The following SLC35E2B variants were observed in gnomAD, a reference collection of about 807,000 sequenced individuals.
SLC35E2B encodes solute carrier family 35, member E2B.
SLC35E2B carries 18 observed loss-of-function variants against 32.4 expected under a neutral mutation model. The ratio of observed to expected loss-of-function variants is 0.56; its 90% CI spans 0.38 to 0.82. SLC35E2B has a LOEUF of 0.82. Ranked by LOEUF, SLC35E2B falls within the 40% of genes least tolerant of loss-of-function variation. The pLI, the probability that SLC35E2B is intolerant of heterozygous loss-of-function variation, is 0.00. For synonymous variants in SLC35E2B, 132 were observed against 209.1 expected (o/e 0.63, Z 3.18); for missense variants, 263 against 469.5 (o/e 0.56, Z 4.06).
In SLC35E2B at chr1:1,665,089, G is replaced by A. The variant is rs1369868702; in HGVS notation, c.*693C>T. The stretch of plus-strand genomic sequence containing the variant: ...AGCCCAGGGTGTGGAAGGGATAGGA[G>A]GGCAGGGTGTGGAAGAGGTAGGGGG... On this transcript the variant is annotated 3_prime_UTR_variant, in exon 10 of 10. Coordinates refer to ENST00000617444, the MANE Select transcript of SLC35E2B (RefSeq NM_001290264.2). The A allele has an allele frequency of 5.0e-6, 2 of 402,816 alleles. No homozygotes were observed. The highest frequency in any genetic ancestry group is 6.7e-6 in the Non-Finnish European group (2 of 297,514). 25.0% of individuals were successfully genotyped at this position (402,816 alleles called of 1,614,324 possible).
chr1:1,684,508 G>C (rs1643927784), intron 2 of SLC35E2B, among the ~76,000 whole-genome samples: 1 of 152,062 alleles, frequency 6.6e-6, no homozygotes, highest in South Asian at 2.1e-4. Context: ...GTCATCCCAG[G>C]AGGCTGGGCA....
Position 1,663,423 on chromosome 1 carries a change from A to C in SLC35E2B, c.*2359T>G. ...CAAGGCCACCCTGGGAGTTGCTTTC[A>C]ATCTGTCCTCACAAATCAACAACTC... On this transcript the variant is annotated 3_prime_UTR_variant, in exon 10 of 10. Transcript: ENST00000617444. The C allele has an allele frequency of 1.1e-6, 1 of 951,764 alleles. No individual in the cohort carries two copies. The highest frequency in any genetic ancestry group is 1.3e-6 in the Non-Finnish European group (1 of 799,552). The allele number at this position is 951,764 out of a possible 1,614,324, so 59.0% of individuals were successfully genotyped here.
At chr1:1,671,853 A>G (rs1276394925) in intron 5 of SLC35E2B, 1 of 413,090 alleles carries the variant, frequency 2.4e-6, no homozygotes, top group African/African-American at 2.1e-5. Context: ...ACTCTACATG[A>G]GATGCGTCCC....
chr1:1,662,867 A>T lies in SLC35E2B; in HGVS notation c.*2915T>A. ...AAGTAACCACACCTGGTGTGTTCCT[A>T]GAAGCTCACCTGTGACAGTTCAACA... On this transcript the variant is annotated 3_prime_UTR_variant, in exon 10 of 10. Coordinates refer to ENST00000617444, the MANE Select transcript of SLC35E2B (RefSeq NM_001290264.2). The T allele has an allele frequency of 1.2e-6, 1 of 815,566 alleles. No homozygotes were observed. The highest frequency in any genetic ancestry group is 1.5e-6 in the Non-Finnish European group (1 of 672,288). 50.5% of individuals were successfully genotyped at this position (815,566 alleles called of 1,614,324 possible).
In SLC35E2B at chr1:1,662,884, A is replaced by T; in HGVS notation, c.*2898T>A. 3 of 799,626 alleles carry T rather than the reference A, an allele frequency of 3.8e-6. 1 individual carries two copies. The highest frequency in any genetic ancestry group is 4.6e-6 in the Non-Finnish European group (3 of 657,210). 49.5% of individuals were successfully genotyped at this position (799,626 alleles called of 1,614,324 possible). A position where few individuals can be genotyped will look rare whatever the true frequency, so the allele number is the denominator to read the frequency against. ...GTGTTCCTAGAAGCTCACCTGTGAC[A>T]GTTCAACAAGAACTTACTATTCCAG... On this transcript the variant is annotated 3_prime_UTR_variant, in exon 10 of 10. Coordinates refer to ENST00000617444, the MANE Select transcript of SLC35E2B (RefSeq NM_001290264.2).
At position 1,665,043 on chromosome 1, in the gene SLC35E2B, G is replaced by C; in HGVS notation, c.*739C>G. The C allele has an allele frequency of 1.1e-6, 1 of 877,450 alleles. No homozygotes were observed. Among genetic ancestry groups the C allele is most frequent in the Non-Finnish European group, 1.4e-6 (1 of 731,438 alleles). The allele number at this position is 877,450 out of a possible 1,614,324, so 54.4% of individuals were successfully genotyped here. Reference sequence around the variant, plus strand: ...CACAGGTAGGAGGGCAGGGTGCCCTGGGGTTGCGGGGAGCTCACGCAGCCC... The same window carrying C: ...CACAGGTAGGAGGGCAGGGTGCCCTCGGGTTGCGGGGAGCTCACGCAGCCC... On this transcript the variant is annotated 3_prime_UTR_variant, in exon 10 of 10. Transcript: ENST00000617444.
Position 1,679,861 on chromosome 1 carries a change from G to A in SLC35E2B, c.-147-3015C>T, listed in dbSNP as rs543721917. On this transcript the variant is annotated intron_variant, in intron 2 of 9. Coordinates refer to ENST00000617444, the MANE Select transcript of SLC35E2B (RefSeq NM_001290264.2). ...AAAAAAAAAAAAAAATGCTGGGCGCGATGGCTCACACCTGTAATCCCAGCA... is the reference window on the plus strand; with the variant it reads ...AAAAAAAAAAAAAAATGCTGGGCGCAATGGCTCACACCTGTAATCCCAGCA... Among the ~76,000 whole-genome samples the A allele has an allele frequency of 3.9e-4, 56 of 144,226 alleles. 1 individual carries two copies. Among genetic ancestry groups the A allele is most frequent in the Admixed American group, 1.7e-3 (24 of 14,424 alleles). The allele number at this position is 144,226 out of a possible 152,430, so 94.6% of individuals were successfully genotyped here.
intron 2 of SLC35E2B, among the ~76,000 whole-genome samples, chr1:1,680,912 C>G (rs962150037): frequency 2.0e-5 from 3 of 151,868 alleles, no homozygotes; most frequent in Admixed American, 6.6e-5. Flanking sequence ...AAGGGATTCT[C>G]CTGCCTCAGC....
chr1:1,673,401 A>T, intron 5 of SLC35E2B: 1 of 391,962 alleles, frequency 2.6e-6, no homozygotes, highest in South Asian at 1.9e-5. Context: ...CAGGTGCAGC[A>T]GCTCACGCCT....
In SLC35E2B at chr1:1,670,615, G is replaced by T. The variant is rs186940614; in HGVS notation, c.708-464C>A. The T allele has an allele frequency of 2.5e-3, 385 of 154,242 alleles. 1 individual carries two copies. In the South Asian group the frequency reaches 0.028, roughly 11 times the overall value. The allele number at this position is 154,242 out of a possible 1,614,324, so 9.6% of individuals were successfully genotyped here. On this transcript the variant is annotated intron_variant, in intron 6 of 9. Transcript: ENST00000617444. ...CTTTTGTATTTTTAGTAGAGACGGGGTTTCACCATGTTAGCCAGGATGGTC... is the reference window on the plus strand; with the variant it reads ...CTTTTGTATTTTTAGTAGAGACGGGTTTTCACCATGTTAGCCAGGATGGTC...
At position 1,662,407 on chromosome 1, in the gene SLC35E2B, C is replaced by G. The variant is rs893088215; in HGVS notation, c.*3375G>C. 108 of 883,590 alleles carry G rather than the reference C, an allele frequency of 1.2e-4. 22 individuals carry two copies. The highest frequency in any genetic ancestry group is 1.4e-4 in the Non-Finnish European group (102 of 747,374). 54.7% of individuals were successfully genotyped at this position (883,590 alleles called of 1,614,324 possible). On this transcript the variant is annotated 3_prime_UTR_variant, in exon 10 of 10. Transcript: ENST00000617444. ...CTGTCTTGTTGGCCTGTTATTCCCA[C>G]TGACCCGTCTGAGTGATCACCCAGG...
chr1:1,667,214 G>A (rs544490508), intron 9 of SLC35E2B, among the ~76,000 whole-genome samples: 152 of 148,766 alleles, frequency 1.0e-3, no homozygotes, highest in African/African-American at 3.6e-3. Context: ...AGACCATCCT[G>A]GCTAACACGG....
At chr1:1,689,543 T>C (rs553390546) in intron 2 of SLC35E2B, among the ~76,000 whole-genome samples, 3 of 151,728 alleles carry the variant, frequency 2.0e-5, no homozygotes, top group African/African-American at 7.2e-5. Flanking sequence ...TGTAAAACTT[T>C]ATGCTCAGGA....
In SLC35E2B at chr1:1,664,028, A is replaced by G. The variant is rs531790076; in HGVS notation, c.*1754T>C. 286 of 233,414 alleles carry G rather than the reference A, an allele frequency of 1.2e-3. 2 individuals carry two copies. Among genetic ancestry groups the G allele is most frequent in the African/African-American group, 6.3e-3 (271 of 43,154 alleles). 14.5% of individuals were successfully genotyped at this position (233,414 alleles called of 1,614,324 possible). ...CAACAAAGCGAGAGCCCAGCTCAACAAAAAAATAGCCAGGCATGGTGGCAC... is the reference window on the plus strand; with the variant it reads ...CAACAAAGCGAGAGCCCAGCTCAACGAAAAAATAGCCAGGCATGGTGGCAC... On this transcript the variant is annotated 3_prime_UTR_variant, in exon 10 of 10. Transcript: ENST00000617444.
At chr1:1,667,537 C>A (rs1643579472) in intron 9 of SLC35E2B, among the ~76,000 whole-genome samples, 1 of 152,182 alleles carries the variant, frequency 6.6e-6, no homozygotes, top group Admixed American at 6.5e-5. Context: ...CACCGCACGG[C>A]ACAGGAAGCA....
intron 2 of SLC35E2B, among the ~76,000 whole-genome samples, chr1:1,687,786 T>G (rs1258749392): frequency 2.0e-5 from 3 of 150,742 alleles, no homozygotes; most frequent in Non-Finnish European, 2.9e-5. Context: ...TCCCAGCCAC[T>G]TAGGAGGCTG....
At position 1,671,591 on chromosome 1, in the gene SLC35E2B, C is replaced by T. The variant is rs1003468614; in HGVS notation, c.625G>A (p.Gly209Arg). 16 of 1,548,720 alleles carry T rather than the reference C, an allele frequency of 1.0e-5. No homozygotes were observed. The highest frequency in any genetic ancestry group is 1.7e-4 in the Middle Eastern group (1 of 6,000). Reference sequence around the variant, plus strand: ...TCAGTGGCCGTGCACAGCGCCAGCCCGCCCATGACTGGGATGAGGGAGAGG... The same window carrying T: ...TCAGTGGCCGTGCACAGCGCCAGCCTGCCCATGACTGGGATGAGGGAGAGG... Reference protein sequence around the residue: ...VNLSLIPVMGGLALCTATEIS... With the variant: ...VNLSLIPVMGRLALCTATEIS... The change falls in exon 6 of 10, where the codon GGG becomes AGG. Residue 209 changes from glycine (G) to arginine (R), a missense_variant. Gly to Arg is a moderately radical substitution (Grantham distance 125). Coordinates refer to ENST00000617444, the MANE Select transcript of SLC35E2B (RefSeq NM_001290264.2).
In SLC35E2B at chr1:1,666,009, T is replaced by G; in HGVS notation, c.991A>C (p.Thr331Pro). 2.6e-6 allele frequency: 4 copies of G among 1,550,880 alleles called. No homozygotes were observed. The highest frequency in any genetic ancestry group is 3.5e-6 in the Non-Finnish European group (4 of 1,146,544). Residue 331 changes from threonine (T) to proline (P), a missense_variant, in exon 10 of 10, where the codon ACC becomes CCC. Around this residue, in one of 7 missense-constraint regions of SLC35E2B, gnomAD observed 38 missense variants for 56.9 expected, o/e 0.67. Coordinates refer to ENST00000617444, the MANE Select transcript of SLC35E2B (RefSeq NM_001290264.2). ...ISPVTFSVAS[T>P]VKHALSIWLS... Reference sequence around the variant, plus strand: ...CAGATGGACAAGGCATGTTTCACGGTGCTGGCGACGCTGCGGAGGCAAGGG... The same window carrying G: ...CAGATGGACAAGGCATGTTTCACGGGGCTGGCGACGCTGCGGAGGCAAGGG...
chr1:1,688,172 A>G (rs942490186), intron 2 of SLC35E2B, among the ~76,000 whole-genome samples: 1 of 152,138 alleles, frequency 6.6e-6, no homozygotes, highest in Non-Finnish European at 1.5e-5. Context: ...AACGAATGGC[A>G]AAGGAGGGGA....
Sources: gnomAD v4.1 joint callset for allele counts (sites outside exome capture counted in the v4.1 genomes callset) on GRCh38, gnomAD v4.1.1 for gene constraint, gnomAD v4.1.1 regional missense constraint, MANE v1.5 for transcripts, NCBI Gene and HGNC (gene_info 2026-07-23, HGNC 2026-07-21) for gene names.